The following EFCAB5 variants were observed in gnomAD, a reference collection of about 807,000 sequenced individuals.
The protein encoded by EFCAB5 is EF-hand calcium binding domain 5.
In EFCAB5, 131 loss-of-function variants were observed where a neutral mutation model predicts 167.9. The observed-to-expected ratio is 0.78, with a 90% CI of 0.68 to 0.90. EFCAB5 has a LOEUF of 0.90. Ranked by LOEUF, EFCAB5 falls within the 40% of genes least tolerant of loss-of-function variation. The probability of loss-of-function intolerance (pLI) is 0.00; values close to 1 mark genes in which losing one functional copy is unlikely to be tolerated. For missense variants in EFCAB5, 1,663 were observed against 1,745.2 expected, an observed-to-expected ratio of 0.95 and a Z score of 0.84; for synonymous variants, 574 against 602.8, an observed-to-expected ratio of 0.95 and a Z score of 0.70.
intron 7 of EFCAB5, among the ~76,000 whole-genome samples, chr17:30,013,562 T>C (rs1467067042): frequency 6.6e-6 from 1 of 152,256 alleles, no homozygotes; most frequent in Non-Finnish European, 1.5e-5. Flanking sequence ...TTTATCCATT[T>C]CTTCTAGATT....
chr17:30,081,484 G>T (rs2070987838), intron 17 of EFCAB5, among the ~76,000 whole-genome samples: 2 of 152,100 alleles, frequency 1.3e-5, no homozygotes, highest in South Asian at 4.1e-4. Context: ...TTTTAAATTA[G>T]ATCACAAAAT....
chr17:29,980,737 A>G (rs1035694623), intron 4 of EFCAB5, among the ~76,000 whole-genome samples: 14 of 152,200 alleles, frequency 9.2e-5, no homozygotes, highest in African/African-American at 3.4e-4. Flanking sequence ...TTAAGTTACC[A>G]TCTATACATT....
intron 7 of EFCAB5, among the ~76,000 whole-genome samples, chr17:30,024,066 G>C (rs1022889869): frequency 2.6e-5 from 4 of 152,234 alleles, no homozygotes; most frequent in Non-Finnish European, 4.4e-5. Context: ...CAAACCCACA[G>C]CCAATATCAT....
rs141670087 is a variant in EFCAB5 at position 30,043,315 on chromosome 17, T to C, written c.1201-7803T>C. 9.6e-4 allele frequency among the ~76,000 whole-genome samples: 146 copies of C among 152,290 alleles called. 2 individuals carry two copies. In the Middle Eastern group the frequency reaches 0.01, roughly 11 times the overall value. On this transcript the variant is annotated intron_variant, in intron 8 of 22. Coordinates refer to ENST00000394835, the MANE Select transcript of EFCAB5 (RefSeq NM_198529.4). ...ATACTTACAATGGTAAAAAATTTAATGATTCCCTCCTTATAACAAGGACAA... is the reference window on the plus strand; with the variant it reads ...ATACTTACAATGGTAAAAAATTTAACGATTCCCTCCTTATAACAAGGACAA...
chr17:29,998,902 TA>T (rs1314905945), intron 6 of EFCAB5, among the ~76,000 whole-genome samples: 3 of 152,204 alleles, frequency 2.0e-5, no homozygotes, highest in African/African-American at 7.2e-5. Flanking sequence ...AATGAAGGTT[TA>T]AAAATCTGTA....
chr17:30,054,197 G>T, intron 10 of EFCAB5, 49 bp downstream of exon 10: 2 of 1,462,226 alleles, frequency 1.4e-6, no homozygotes, highest in Non-Finnish European at 1.8e-6. Context: ...TTGTGGAATG[G>T]TTTTTAAAGT....
Position 30,069,124 on chromosome 17 carries a change from A to C in EFCAB5, c.2738-9091A>C. The C allele has an allele frequency of 2.6e-6, 4 of 1,524,812 alleles. No individual in the cohort carries two copies. The South Asian group carries it at 3.4e-5, about 13-fold the overall frequency. The allele number at this position is 1,524,812 out of a possible 1,614,324, so 94.5% of individuals were successfully genotyped here. Reference sequence around the variant, plus strand: ...TAAAAGAGTGGTGGATAAGAAAAGAATATCTAAGCTGGAACCAGAACCAAA... The same window carrying C: ...TAAAAGAGTGGTGGATAAGAAAAGACTATCTAAGCTGGAACCAGAACCAAA... On this transcript the variant is annotated intron_variant, in intron 14 of 22. Transcript: ENST00000394835.
intron 15 of EFCAB5, among the ~76,000 whole-genome samples, 178 bp downstream of exon 15, chr17:30,078,682 G>A (rs1289690491): frequency 2.0e-5 from 3 of 152,202 alleles, no homozygotes; most frequent in South Asian, 2.1e-4. Flanking sequence ...TACAACTGGA[G>A]TGACTGCTGG....
At chr17:30,028,202 A>G (rs1224597096) in intron 7 of EFCAB5, among the ~76,000 whole-genome samples, 3 of 152,152 alleles carry the variant, frequency 2.0e-5, no homozygotes, top group Non-Finnish European at 4.4e-5. Flanking sequence ...CAGTCATACA[A>G]TCTGAGGCCT....
At chr17:29,989,694 G>C (rs1215777204) in intron 4 of EFCAB5, among the ~76,000 whole-genome samples, 1 of 152,160 alleles carries the variant, frequency 6.6e-6, no homozygotes, top group Non-Finnish European at 1.5e-5. Context: ...ATGAAAACTG[G>C]AGAATTCCAA....
intron 5 of EFCAB5, 37 bp downstream of exon 5, chr17:29,993,358 G>T (rs1390732372): frequency 6.3e-7 from 1 of 1,582,884 alleles, no homozygotes. Flanking sequence ...AGGTAGGTGG[G>T]GTAAGTGGTA....
chr17:29,996,272 G>A, intron 5 of EFCAB5, 40 bp from the exon 6 acceptor site: 1 of 1,478,984 alleles, frequency 6.8e-7, no homozygotes, highest in Non-Finnish European at 9.2e-7. Context: ...CTGAGGAGTG[G>A]CATATGGTTT....
intron 3 of EFCAB5, among the ~76,000 whole-genome samples, chr17:29,961,305 G>A (rs2067715150): frequency 6.6e-6 from 1 of 151,978 alleles, no homozygotes; most frequent in African/African-American, 2.4e-5. Context: ...TTTGAATTAG[G>A]TTGTTTTATT....
At chr17:30,043,849 A>T (rs2069843664) in intron 8 of EFCAB5, among the ~76,000 whole-genome samples, 1 of 152,350 alleles carries the variant, frequency 6.6e-6, no homozygotes, top group South Asian at 2.1e-4. Context: ...ATCCCAGTGA[A>T]CTTATTTACA....
At chr17:30,042,460 T>A (rs2069800981) in intron 8 of EFCAB5, among the ~76,000 whole-genome samples, 1 of 152,168 alleles carries the variant, frequency 6.6e-6, no homozygotes, top group Non-Finnish European at 1.5e-5. Context: ...AGTGGGAACA[T>A]CATTACAGAC....
At chr17:30,047,618 G>C (rs1329552467) in intron 8 of EFCAB5, among the ~76,000 whole-genome samples, 1 of 152,142 alleles carries the variant, frequency 6.6e-6, no homozygotes, top group Non-Finnish European at 1.5e-5. Context: ...TCACACTGTG[G>C]TTAGTTCCTG....
chr17:30,062,895 G>A (rs929181137), intron 14 of EFCAB5, among the ~76,000 whole-genome samples: 1 of 152,116 alleles, frequency 6.6e-6, no homozygotes, highest in African/African-American at 2.4e-5. Flanking sequence ...TGCCTAAGTT[G>A]AAGAAACTCC....
chr17:30,091,202 A>C (rs1597563606), intron 20 of EFCAB5, among the ~76,000 whole-genome samples: 2 of 152,218 alleles, frequency 1.3e-5, no homozygotes, highest in East Asian at 3.8e-4. Flanking sequence ...GGATTATCTA[A>C]GGTCCAATAG....
intron 4 of EFCAB5, among the ~76,000 whole-genome samples, chr17:29,980,276 A>G (rs1178953194): frequency 6.6e-6 from 1 of 152,236 alleles, no homozygotes; most frequent in Non-Finnish European, 1.5e-5. Context: ...CCTTATAGGG[A>G]AAAAATACAA....
Sources: gnomAD v4.1 joint callset for allele counts (sites outside exome capture counted in the v4.1 genomes callset) on GRCh38, gnomAD v4.1.1 for gene constraint, MANE v1.5 for transcripts, NCBI Gene and HGNC (gene_info 2026-07-23, HGNC 2026-07-21) for gene names.